The following HDAC9 variants were observed in gnomAD, a reference collection of about 807,000 sequenced individuals.
The protein encoded by HDAC9 is histone deacetylase 9.
A neutral mutation model predicts 139.4 loss-of-function variants in HDAC9; 41 were observed. The observed-to-expected ratio is 0.29, with a 90% CI of 0.23 to 0.38. The LOEUF (loss-of-function observed/expected upper bound fraction) is 0.38. HDAC9 is among the 10% of genes least tolerant of loss of function. The pLI is 1.00. For synonymous variants in HDAC9, 517 were observed against 476.2 expected (o/e 1.09, Z -1.12); for missense variants, 1,147 against 1,297.0 (o/e 0.88, Z 1.78).
chr7:18,403,178 G>A (rs1787698076), intron 1 of HDAC9, among the ~76,000 whole-genome samples: 1 of 152,136 alleles, frequency 6.6e-6, no homozygotes, highest in East Asian at 1.9e-4. Flanking sequence ...AAATTTCCCA[G>A]TTAAGTGTAT....
intron 25 of HDAC9, among the ~76,000 whole-genome samples, chr7:18,992,202 G>A (rs566198210): frequency 6.6e-6 from 1 of 152,304 alleles, no homozygotes; most frequent in South Asian, 2.1e-4. Context: ...ATACTAGGAA[G>A]TTCACTACAG....
At chr7:18,756,042 C>A (rs1788848520) in intron 14 of HDAC9, among the ~76,000 whole-genome samples, 1 of 152,036 alleles carries the variant, frequency 6.6e-6, no homozygotes, top group African/African-American at 2.4e-5. Context: ...CCTAAGCTAC[C>A]CATTAGAATC....
intron 13 of HDAC9, among the ~76,000 whole-genome samples, chr7:18,728,773 A>G (rs1182888121): frequency 6.6e-6 from 1 of 152,186 alleles, no homozygotes; most frequent in Non-Finnish European, 1.5e-5. Context: ...CATATTCCCA[A>G]GCCTTGATAT....
At chr7:18,223,358 T>C (rs1792832403) in intron 2 of HDAC9, among the ~76,000 whole-genome samples, 1 of 152,128 alleles carries the variant, frequency 6.6e-6, no homozygotes, top group African/African-American at 2.4e-5. Flanking sequence ...TTTCTGGCTT[T>C]TGTTTGCATG....
intron 1 of HDAC9, among the ~76,000 whole-genome samples, chr7:18,157,831 G>GAGAC (rs1787328215): frequency 6.6e-6 from 1 of 151,750 alleles, no homozygotes; most frequent in Admixed American, 6.6e-5. Context: ...GAGAGAGAGA[G>GAGAC]AGAGAGAGAG....
At chr7:18,366,845 T>G (rs1784219093) in intron 1 of HDAC9, among the ~76,000 whole-genome samples, 1 of 152,098 alleles carries the variant, frequency 6.6e-6, no homozygotes, top group Admixed American at 6.6e-5. Flanking sequence ...GTGATGCGTT[T>G]AGTTAGATTG....
At chr7:18,547,132 T>C (rs191827960) in intron 2 of HDAC9, among the ~76,000 whole-genome samples, 1 of 152,358 alleles carries the variant, frequency 6.6e-6, no homozygotes, top group Non-Finnish European at 1.5e-5. Context: ...ATGATCATCT[T>C]CACTGAGTCA....
At chr7:18,942,534 A>G (rs1193537217) in intron 23 of HDAC9, among the ~76,000 whole-genome samples, 1 of 152,114 alleles carries the variant, frequency 6.6e-6, no homozygotes, top group Non-Finnish European at 1.5e-5. Flanking sequence ...CAACAGCAAC[A>G]AAACAGCATT....
intron 1 of HDAC9, among the ~76,000 whole-genome samples, chr7:18,425,689 C>T (rs1325456248): frequency 6.6e-6 from 1 of 152,134 alleles, no homozygotes; most frequent in Non-Finnish European, 1.5e-5. Context: ...GGAGAGTTAG[C>T]ATTGAAATAC....
intron 2 of HDAC9, among the ~76,000 whole-genome samples, chr7:18,579,949 G>A (rs968212157): frequency 6.6e-5 from 10 of 152,234 alleles, no homozygotes; most frequent in African/African-American, 2.4e-4. Flanking sequence ...CATTAAAATG[G>A]TTGGCATCTT....
intron 2 of HDAC9, among the ~76,000 whole-genome samples, chr7:18,257,432 CACACAA>C (rs1405143904): frequency 1.7e-4 from 26 of 150,242 alleles, no homozygotes; most frequent in Middle Eastern, 3.4e-3. Context: ...CACACACACA[CACACAA>C]AAAGAAAAAA....
At chr7:18,131,576 T>G (rs1425220611) in intron 1 of HDAC9, among the ~76,000 whole-genome samples, 1 of 152,204 alleles carries the variant, frequency 6.6e-6, no homozygotes, top group Non-Finnish European at 1.5e-5. Context: ...TTAAACTATC[T>G]TCTGAAATAA....
At chr7:18,792,761 T>C (rs1037974520) in intron 16 of HDAC9, among the ~76,000 whole-genome samples, 2 of 152,194 alleles carry the variant, frequency 1.3e-5, no homozygotes, top group Non-Finnish European at 2.9e-5. Flanking sequence ...TTTGCTGTTA[T>C]TGTTTTAAGT....
chr7:18,180,540 T>A (rs896084549), intron 2 of HDAC9, among the ~76,000 whole-genome samples: 11 of 152,094 alleles, frequency 7.2e-5, no homozygotes, highest in Non-Finnish European at 1.5e-4. Flanking sequence ...TCAAAGAGTG[T>A]CAGAACTCAA....
intron 1 of HDAC9, among the ~76,000 whole-genome samples, chr7:18,373,012 A>G (rs1488212873): frequency 1.3e-5 from 2 of 152,156 alleles, no homozygotes; most frequent in East Asian, 1.9e-4. Flanking sequence ...TAATTTTAAT[A>G]ATTATTTTTA....
chr7:18,484,790 C>T (rs953371504), intron 1 of HDAC9, among the ~76,000 whole-genome samples: 4 of 151,210 alleles, frequency 2.6e-5, no homozygotes, highest in South Asian at 2.1e-4. Flanking sequence ...GAGTTTGAGG[C>T]TTTAGTAAAC....
At chr7:18,990,770 G>A (rs543967467) in intron 25 of HDAC9, among the ~76,000 whole-genome samples, 7 of 152,364 alleles carry the variant, frequency 4.6e-5, no homozygotes, top group African/African-American at 1.2e-4. Context: ...TTTTAAGCCC[G>A]TAGGAAAAGC....
intron 6 of HDAC9, among the ~76,000 whole-genome samples, chr7:18,622,331 T>G (rs1562617407): frequency 1.3e-5 from 2 of 152,136 alleles, no homozygotes; most frequent in Admixed American, 6.5e-5. Context: ...ATGTATGTAT[T>G]TATTTATTTA....
At chr7:18,482,380 CAAAAAAAAAAAAAAAAAA>C (rs566243064) in intron 1 of HDAC9, among the ~76,000 whole-genome samples, 40 of 32,328 alleles carry the variant, frequency 1.2e-3, no homozygotes, top group South Asian at 3.4e-3. Context: ...CTGGACTCAC[CAAAAAAAAAAAAAAAAAA>C]AAAAAAAAAA....
Sources: allele counts gnomAD v4.1 joint callset (sites outside exome capture counted in the v4.1 genomes callset), GRCh38; gene constraint gnomAD v4.1.1; transcripts MANE v1.5; gene names NCBI Gene and HGNC (gene_info 2026-07-23, HGNC 2026-07-21).